The following SORCS3 variants were observed in gnomAD, a reference collection of about 807,000 sequenced individuals.
The protein encoded by SORCS3 is sortilin related VPS10 domain containing receptor 3.
A neutral mutation model predicts 146.3 loss-of-function variants in SORCS3; 57 were observed. The ratio of observed to expected loss-of-function variants is 0.39; its 90% CI spans 0.31 to 0.49. The LOEUF is 0.49. SORCS3 is among the 20% of genes least tolerant of loss of function. The pLI is 0.92. For missense variants in SORCS3, 1,341 were observed against 1,575.5 expected (o/e 0.85, Z 2.52); for synonymous variants, 653 against 618.5 (o/e 1.06, Z -0.83).
chr10:105,027,963 G>A (rs1007502966), intron 4 of SORCS3, among the ~76,000 whole-genome samples: 9 of 152,102 alleles, frequency 5.9e-5, no homozygotes, highest in African/African-American at 1.7e-4. Flanking sequence ...AAACAATGTC[G>A]CATATTGATT....
At chr10:104,873,944 A>G (rs895289724) in intron 2 of SORCS3, among the ~76,000 whole-genome samples, 2 of 152,226 alleles carry the variant, frequency 1.3e-5, no homozygotes, top group African/African-American at 4.8e-5. Context: ...TCATGTTGGA[A>G]CTATTCATCT....
chr10:104,740,788 A>G (rs1232904958), intron 1 of SORCS3, among the ~76,000 whole-genome samples: 1 of 152,138 alleles, frequency 6.6e-6, no homozygotes, highest in Non-Finnish European at 1.5e-5. Flanking sequence ...AATAATGTAG[A>G]AGGGGTGAGA....
chr10:104,754,104 C>T (rs911759686), intron 1 of SORCS3, among the ~76,000 whole-genome samples: 10 of 152,084 alleles, frequency 6.6e-5, no homozygotes, highest in Admixed American at 5.9e-4. Context: ...CTAGGCACTG[C>T]GCTACTAATT....
intron 20 of SORCS3, among the ~76,000 whole-genome samples, chr10:105,232,521 C>G (rs1042927793): frequency 6.6e-6 from 1 of 151,320 alleles, no homozygotes; most frequent in Non-Finnish European, 1.5e-5. Context: ...TATTGATTTC[C>G]TATTTTCAGT....
At chr10:104,796,364 C>T (rs1037914085) in intron 1 of SORCS3, among the ~76,000 whole-genome samples, 15 of 151,984 alleles carry the variant, frequency 9.9e-5, no homozygotes, top group African/African-American at 3.4e-4. Context: ...CTTTTAATCC[C>T]TTTAGGATAT....
intron 1 of SORCS3, among the ~76,000 whole-genome samples, chr10:104,715,408 G>A (rs999759738): frequency 1.3e-5 from 2 of 152,192 alleles, no homozygotes; most frequent in African/African-American, 2.4e-5. Flanking sequence ...TACACCATCA[G>A]CTCCCCTGGT....
chr10:104,657,236 C>T (rs1308632890), intron 1 of SORCS3, among the ~76,000 whole-genome samples: 1 of 152,170 alleles, frequency 6.6e-6, no homozygotes, highest in Admixed American at 6.5e-5. Context: ...CCAGCCCAGT[C>T]CAGCTAGAAC....
At chr10:105,074,360 C>T (rs571410818) in intron 5 of SORCS3, among the ~76,000 whole-genome samples, 4 of 152,112 alleles carry the variant, frequency 2.6e-5, no homozygotes, top group South Asian at 2.1e-4. Flanking sequence ...CATTCCTTGT[C>T]GGAATTTTGA....
chr10:105,246,619 G>A (rs958457594), intron 21 of SORCS3, among the ~76,000 whole-genome samples: 11 of 152,106 alleles, frequency 7.2e-5, no homozygotes, highest in South Asian at 4.1e-4. Flanking sequence ...CAGGCTCTTC[G>A]AGGGGCACAT....
intron 4 of SORCS3, among the ~76,000 whole-genome samples, chr10:105,022,214 A>G (rs1041191083): frequency 1.3e-5 from 2 of 152,086 alleles, no homozygotes; most frequent in Non-Finnish European, 2.9e-5. Context: ...TAATGTATCA[A>G]TGTTGTCTCA....
chr10:104,950,537 G>T (rs955418700), intron 3 of SORCS3, among the ~76,000 whole-genome samples: 2 of 152,200 alleles, frequency 1.3e-5, no homozygotes, highest in Non-Finnish European at 2.9e-5. Context: ...GTATTAGTAT[G>T]ATTGCGATTA....
rs1363892567 is a variant in SORCS3 at position 105,031,359 on chromosome 10, AC to A, written c.955-11695del. On this transcript the variant is annotated intron_variant, in intron 4 of 26. Transcript: ENST00000369701. ...CACACACACACACACACACACACACACACAAAAACATGTATGTTTGTTTTAC... is the reference window on the plus strand; with the variant it reads ...CACACACACACACACACACACACACAACAAAAACATGTATGTTTGTTTTAC... Among the ~76,000 whole-genome samples, 7 of 148,884 alleles carry A rather than the reference AC, an allele frequency of 4.7e-5. No individual in the cohort carries two copies. In the Middle Eastern group the frequency reaches 0.01, roughly 217 times the overall value.
chr10:105,008,571 C>T (rs1473596002), intron 4 of SORCS3, among the ~76,000 whole-genome samples: 2 of 152,138 alleles, frequency 1.3e-5, no homozygotes, highest in Non-Finnish European at 2.9e-5. Flanking sequence ...AGGATGCTGT[C>T]CACTCTACTG....
chr10:104,759,847 G>A (rs2017099543), intron 1 of SORCS3, among the ~76,000 whole-genome samples: 1 of 152,272 alleles, frequency 6.6e-6, no homozygotes, highest in East Asian at 1.9e-4. Context: ...ACACAGAGGA[G>A]GTCCCTGTGC....
intron 1 of SORCS3, among the ~76,000 whole-genome samples, chr10:104,760,177 T>C (rs1183558254): frequency 6.6e-6 from 1 of 151,980 alleles, no homozygotes; most frequent in Non-Finnish European, 1.5e-5. Flanking sequence ...GGAGAGTCAG[T>C]GGTGAGGTGG....
At chr10:105,053,955 T>C (rs975218098) in intron 5 of SORCS3, among the ~76,000 whole-genome samples, 1 of 152,092 alleles carries the variant, frequency 6.6e-6, no homozygotes, top group African/African-American at 2.4e-5. Context: ...TTTACACCTG[T>C]TTCCACTACA....
chr10:104,869,618 A>G (rs2018497912), intron 2 of SORCS3, among the ~76,000 whole-genome samples: 1 of 152,234 alleles, frequency 6.6e-6, no homozygotes, highest in African/African-American at 2.4e-5. Flanking sequence ...CCCTCTAGGC[A>G]CTATCACCAA....
intron 1 of SORCS3, among the ~76,000 whole-genome samples, chr10:104,706,775 T>C (rs2016342592): frequency 6.6e-6 from 1 of 152,202 alleles, no homozygotes; most frequent in African/African-American, 2.4e-5. Context: ...TATTTATACC[T>C]ACATAAACAT....
chr10:104,803,880 C>A (rs1046440294), intron 1 of SORCS3, among the ~76,000 whole-genome samples: 1 of 152,146 alleles, frequency 6.6e-6, no homozygotes, highest in African/African-American at 2.4e-5. Context: ...CCTTTCTTGA[C>A]TAAATTTACT....
Sources: gnomAD v4.1 joint callset for allele counts (sites outside exome capture counted in the v4.1 genomes callset) on GRCh38, gnomAD v4.1.1 for gene constraint, MANE v1.5 for transcripts, NCBI Gene and HGNC (gene_info 2026-07-23, HGNC 2026-07-21) for gene names.